Variants in PCDH15 observed in about 807,000 individuals in gnomAD.
PCDH15 encodes protocadherin related 15, also known as protocadherin-15.
Under a neutral mutation model 178.5 loss-of-function variants are expected in PCDH15, and 129 were observed. The ratio of observed to expected loss-of-function variants is 0.72; its 90% CI spans 0.63 to 0.84. PCDH15 has a LOEUF of 0.84. PCDH15 is among the 40% of genes least tolerant of loss of function. The pLI, the probability that PCDH15 is intolerant of heterozygous loss-of-function variation, is 0.00. For synonymous variants in PCDH15, 800 were observed against 732.0 expected (o/e 1.09, Z -1.50); for missense variants, 2,230 against 2,099.9 (o/e 1.06, Z -1.21).
chr10:55,377,564 T>A (rs1435954728), intron 2 of PCDH15, among the ~76,000 whole-genome samples: 1 of 152,118 alleles, frequency 6.6e-6, no homozygotes, highest in Non-Finnish European at 1.5e-5. Flanking sequence ...AGTTGCTATA[T>A]GTTTCAAGTT....
intron 3 of PCDH15, among the ~76,000 whole-genome samples, chr10:54,423,627 C>A (rs1312111668): frequency 6.6e-6 from 1 of 151,854 alleles, no homozygotes; most frequent in Non-Finnish European, 1.5e-5. Context: ...ATACTTTGAT[C>A]ACCTCTGCCT....
chr10:54,071,012 T>C (rs1023386637), intron 17 of PCDH15, among the ~76,000 whole-genome samples: 1 of 152,176 alleles, frequency 6.6e-6, no homozygotes, highest in Non-Finnish European at 1.5e-5. Context: ...TTATTTGAAA[T>C]TCGTGAGAAC....
At position 55,559,512 on chromosome 10, in the gene PCDH15, A is replaced by T. The variant is rs1372600141; in HGVS notation, c.-156+68113T>A. Among the ~76,000 whole-genome samples the T allele has an allele frequency of 2.6e-5, 4 of 152,144 alleles. No homozygotes were observed. In the East Asian group the frequency reaches 7.7e-4, roughly 29 times the overall value. On this transcript the variant is annotated intron_variant, in intron 2 of 5. Coordinates refer to the PCDH15 transcript ENST00000613346. ...GCATGTCATATGTGAGAAATGAATA[A>T]AATGATGTCATGGAGAATAGTATCG...
At chr10:54,701,664 G>GA (rs1271556073) in intron 1 of PCDH15, among the ~76,000 whole-genome samples, 2 of 151,886 alleles carry the variant, frequency 1.3e-5, no homozygotes, top group Non-Finnish European at 2.9e-5. Context: ...TTTAATTTAA[G>GA]AAAAAACAGA....
chr10:54,520,282 CAAAATGGGAGA>C (rs2082705625), intron 3 of PCDH15, among the ~76,000 whole-genome samples: 1 of 152,004 alleles, frequency 6.6e-6, no homozygotes, highest in African/African-American at 2.4e-5. Context: ...AGGCAACCTA[CAAAATGGGAGA>C]AAATTTTTGC....
chr10:55,456,608 A>G (rs1159929989), intron 2 of PCDH15, among the ~76,000 whole-genome samples: 1 of 152,080 alleles, frequency 6.6e-6, no homozygotes, highest in African/African-American at 2.4e-5. Flanking sequence ...GAATATTTTC[A>G]ATCTATAACA....
chr10:55,396,250 T>C (rs533762063), intron 2 of PCDH15, among the ~76,000 whole-genome samples: 78 of 152,306 alleles, frequency 5.1e-4, no homozygotes, highest in Non-Finnish European at 2.9e-5. Context: ...AACATCACTC[T>C]GTTGCCTGTT....
rs549866780 is a variant in PCDH15 at position 54,429,543 on chromosome 10, C to G, written c.158-50601G>C. On this transcript the variant is annotated intron_variant, in intron 3 of 37. Coordinates refer to ENST00000644397, the MANE Select transcript of PCDH15 (RefSeq NM_001384140.1). ...ATCATAAGACACAGAATGGCTATGGCTGAATGGATTTAAAAAAAAAGACAA... is the reference window on the plus strand; with the variant it reads ...ATCATAAGACACAGAATGGCTATGGGTGAATGGATTTAAAAAAAAAGACAA... Among the ~76,000 whole-genome samples the G allele has an allele frequency of 2.0e-5, 3 of 151,968 alleles. No individual in the cohort carries two copies. The South Asian group carries it at 6.2e-4, about 32-fold the overall frequency.
intron 18 of PCDH15, among the ~76,000 whole-genome samples, chr10:54,046,309 A>T (rs1229862768): frequency 6.6e-6 from 1 of 152,202 alleles, no homozygotes; most frequent in Non-Finnish European, 1.5e-5. Context: ...AGAGAAACTC[A>T]GGCACATGAG....
At chr10:54,326,652 T>C (rs1938179682) in intron 7 of PCDH15, among the ~76,000 whole-genome samples, 1 of 152,098 alleles carries the variant, frequency 6.6e-6, no homozygotes, top group Non-Finnish European at 1.5e-5. Flanking sequence ...AGCCAGTAAA[T>C]GGCTGAACTG....
intron 11 of PCDH15, among the ~76,000 whole-genome samples, chr10:54,193,456 A>G (rs2049241305): frequency 1.3e-5 from 2 of 152,230 alleles, no homozygotes; most frequent in Admixed American, 6.5e-5. Flanking sequence ...CAAATTGATT[A>G]GTCACTACTT....
intron 1 of PCDH15, among the ~76,000 whole-genome samples, chr10:55,171,629 T>C (rs186939497): frequency 2.2e-3 from 331 of 152,284 alleles, no homozygotes; most frequent in Non-Finnish European, 2.9e-3. Flanking sequence ...TTGACCAAGT[T>C]CTTTGCCTAA....
intron 8 of PCDH15, among the ~76,000 whole-genome samples, chr10:54,266,273 A>G (rs2057681135): frequency 6.6e-6 from 1 of 151,876 alleles, no homozygotes; most frequent in Admixed American, 6.6e-5. Flanking sequence ...GAAAACAGAG[A>G]CACAATGAAC....
At chr10:55,342,819 G>C (rs1319617663) in intron 2 of PCDH15, among the ~76,000 whole-genome samples, 1 of 152,160 alleles carries the variant, frequency 6.6e-6, no homozygotes, top group African/African-American at 2.4e-5. Flanking sequence ...AGACTAGAGA[G>C]ACAGAAAAGG....
chr10:54,269,884 G>A (rs1034768688), intron 8 of PCDH15, among the ~76,000 whole-genome samples: 1 of 152,020 alleles, frequency 6.6e-6, no homozygotes. Flanking sequence ...AAAATTCAAA[G>A]TGTTTTATAT....
chr10:53,945,952 C>T (rs943196442), intron 23 of PCDH15, among the ~76,000 whole-genome samples: 2 of 148,818 alleles, frequency 1.3e-5, no homozygotes, highest in Non-Finnish European at 3.0e-5. Context: ...ATAAATAATG[C>T]TGCAATAATC....
intron 2 of PCDH15, among the ~76,000 whole-genome samples, chr10:55,443,972 A>G (rs1209043057): frequency 6.6e-6 from 1 of 152,160 alleles, no homozygotes; most frequent in Non-Finnish European, 1.5e-5. Context: ...GAATGAGTTC[A>G]TGTCCTTCGA....
chr10:54,639,271 T>G (rs371113338), intron 2 of PCDH15, among the ~76,000 whole-genome samples: 1 of 152,164 alleles, frequency 6.6e-6, no homozygotes, highest in African/African-American at 2.4e-5. Context: ...AAGTTTGTAA[T>G]AATATTTTAA....
intron 2 of PCDH15, among the ~76,000 whole-genome samples, chr10:55,142,963 A>G (rs192842900): frequency 5.3e-4 from 81 of 152,128 alleles, no homozygotes; most frequent in Middle Eastern, 3.4e-3. Context: ...GACAGAGGAG[A>G]GGCCTGGTGG....
Sources: gnomAD v4.1 joint callset for allele counts (sites outside exome capture counted in the v4.1 genomes callset) on GRCh38, gnomAD v4.1.1 for gene constraint, MANE v1.5 for transcripts, NCBI Gene and HGNC (gene_info 2026-07-23, HGNC 2026-07-21) for gene names.